NEIL3: variants seen among roughly 807,000 people sequenced by gnomAD.
NEIL3 encodes endonuclease 8-like 3.
NEIL3 carries 48 observed loss-of-function variants against 57.5 expected under a neutral mutation model. The observed-to-expected ratio is 0.83, with a 90% CI of 0.66 to 1.06. NEIL3 has a LOEUF of 1.06. Among genes scored for constraint, NEIL3 ranks in the 50% least tolerant of loss-of-function variants. The pLI, the probability that NEIL3 is intolerant of heterozygous loss-of-function variation, is 0.00. For missense variants in NEIL3, 717 were observed against 739.1 expected (o/e 0.97, Z 0.35); for synonymous variants, 261 against 253.2 (o/e 1.03, Z -0.29).
chr4:177,354,063 G>A lies in NEIL3; in HGVS notation c.1460+335G>A, dbSNP rs59244273. On this transcript the variant is annotated intron_variant, in intron 8 of 9. Transcript: ENST00000264596. ...TTTACAGGCTTGAGCCACCATGCCC[G>A]GCTGGTTGCATTAAGTTTTAAGAAG... 358 of 223,816 alleles carry A rather than the reference G, an allele frequency of 1.6e-3. 1 individual carries two copies. Among genetic ancestry groups the A allele is most frequent in the African/African-American group, 7.4e-3 (318 of 43,032 alleles). 13.9% of individuals were successfully genotyped at this position (223,816 alleles called of 1,614,324 possible). A position where few individuals can be genotyped will look rare whatever the true frequency, so the allele number is the denominator to read the frequency against.
downstream of NEIL3, among the ~76,000 whole-genome samples, chr4:177,367,704 T>C (rs1735709009): frequency 6.6e-6 from 1 of 152,206 alleles, no homozygotes; most frequent in Admixed American, 6.5e-5. Flanking sequence ...TCTGCCCATT[T>C]CCTGGTATTT....
intron 2 of NEIL3, 93 bp downstream of exon 2, chr4:177,322,673 A>C: frequency 6.8e-7 from 1 of 1,470,426 alleles, no homozygotes; most frequent in Non-Finnish European, 9.4e-7. Flanking sequence ...ATTTAATCAT[A>C]TAGGAAGTAC....
intron 6 of NEIL3, among the ~76,000 whole-genome samples, chr4:177,345,777 C>A (rs1735210079): frequency 6.9e-6 from 1 of 145,696 alleles, no homozygotes. Context: ...ACAACTTCCA[C>A]TTCCTAGGTT....
chr4:177,328,369 A>G (rs901825460), intron 2 of NEIL3, among the ~76,000 whole-genome samples: 3 of 152,208 alleles, frequency 2.0e-5, no homozygotes, highest in African/African-American at 4.8e-5. Context: ...AAGAGCCTCA[A>G]ACCAAACCAA....
chr4:177,313,701 T>G (rs34827916), intron 1 of NEIL3, among the ~76,000 whole-genome samples: 1 of 152,198 alleles, frequency 6.6e-6, no homozygotes, highest in Non-Finnish European at 1.5e-5. Context: ...TTCATTTTAT[T>G]TGAAACATGG....
intron 2 of NEIL3, among the ~76,000 whole-genome samples, chr4:177,331,513 ATT>A (rs1734884033): frequency 6.6e-6 from 1 of 152,040 alleles, no homozygotes; most frequent in Admixed American, 6.6e-5. Flanking sequence ...TTAATTTAAC[ATT>A]ACTTTTAAAT....
intron 5 of NEIL3, among the ~76,000 whole-genome samples, chr4:177,340,605 T>C (rs1735072676): frequency 6.6e-6 from 1 of 152,208 alleles, no homozygotes; most frequent in Non-Finnish European, 1.5e-5. Context: ...ACTATGGCTA[T>C]TTTTAAATTG....
intron 1 of NEIL3, among the ~76,000 whole-genome samples, chr4:177,315,634 A>C (rs1734559862): frequency 6.6e-6 from 1 of 152,208 alleles, no homozygotes; most frequent in African/African-American, 2.4e-5. Context: ...TGAATATCTT[A>C]TAAATCTTAG....
At chr4:177,324,917 T>C (rs1734750901) in intron 2 of NEIL3, among the ~76,000 whole-genome samples, 1 of 151,960 alleles carries the variant, frequency 6.6e-6, no homozygotes, top group East Asian at 1.9e-4. Flanking sequence ...AAAATGGACA[T>C]AGCTGTTGCA....
intron 6 of NEIL3, among the ~76,000 whole-genome samples, chr4:177,349,959 C>G (rs771364396): frequency 1.1e-4 from 16 of 152,076 alleles, no homozygotes; most frequent in Admixed American, 3.9e-4. Flanking sequence ...TAGTAGAGGA[C>G]AGAGATTAGG....
intron 1 of NEIL3, among the ~76,000 whole-genome samples, chr4:177,319,136 TGA>T (rs562396305): frequency 9.0e-4 from 137 of 152,370 alleles, no homozygotes; most frequent in African/African-American, 3.2e-3. Context: ...AGACTTCACA[TGA>T]GACATTTGGG....
chr4:177,369,167 T>G, the NEIL3 span, among the ~76,000 whole-genome samples: 1 of 152,120 alleles, frequency 6.6e-6, no homozygotes, highest in Non-Finnish European at 1.5e-5. Flanking sequence ...GTGCTAAAGG[T>G]TGCAGAGAGG....
At chr4:177,310,174 G>A in intron 1 of NEIL3, 65 bp downstream of exon 1, 4 of 1,423,854 alleles carry the variant, frequency 2.8e-6, no homozygotes, top group South Asian at 3.1e-5. Flanking sequence ...ACCCCATCAG[G>A]GTTCCAGGAT....
chr4:177,314,756 T>C (rs1734541400), intron 1 of NEIL3, among the ~76,000 whole-genome samples: 1 of 152,080 alleles, frequency 6.6e-6, no homozygotes, highest in East Asian at 1.9e-4. Context: ...ATGACTTCGA[T>C]TGGTATTTAA....
Position 177,362,562 on chromosome 4 carries a change from GAT to G in NEIL3, c.*93_*94del. On this transcript the variant is annotated 3_prime_UTR_variant, in exon 10 of 10. Transcript: ENST00000264596. The stretch of plus-strand genomic sequence containing the variant: ...CATAGAAAAGTCATAGAATATCTAT[GAT>G]ACATTGAAAAGTTACTGCAATATTT... 3.1e-6 allele frequency: 3 copies of G among 978,238 alleles called. No homozygotes were observed. Among genetic ancestry groups the G allele is most frequent in the Non-Finnish European group, 4.4e-6 (3 of 680,492 alleles). 60.6% of individuals were successfully genotyped at this position (978,238 alleles called of 1,614,324 possible).
downstream of NEIL3, among the ~76,000 whole-genome samples, chr4:177,364,870 G>A (rs528146011): frequency 2.0e-5 from 3 of 151,702 alleles, no homozygotes; most frequent in Admixed American, 6.6e-5. Context: ...GGAGGTTGCA[G>A]TGAGCTGAGA....
chr4:177,368,640 G>T, the NEIL3 span, among the ~76,000 whole-genome samples: 1 of 152,238 alleles, frequency 6.6e-6, no homozygotes, highest in Admixed American at 6.5e-5. Flanking sequence ...GTTAAACTTT[G>T]TAGATGGAGG....
At chr4:177,342,819 C>A (rs1485227871) in intron 6 of NEIL3, among the ~76,000 whole-genome samples, 1 of 152,184 alleles carries the variant, frequency 6.6e-6, no homozygotes, top group Non-Finnish European at 1.5e-5. Context: ...TACTGGCCAA[C>A]CCCAACAGAG....
At chr4:177,358,647 G>T (rs1280622698) in intron 8 of NEIL3, among the ~76,000 whole-genome samples, 1 of 152,056 alleles carries the variant, frequency 6.6e-6, no homozygotes, top group African/African-American at 2.4e-5. Flanking sequence ...GGAAGAAATG[G>T]AGTGGAAGGC....
Sources: gnomAD v4.1 joint callset for allele counts (sites outside exome capture counted in the v4.1 genomes callset) on GRCh38, gnomAD v4.1.1 for gene constraint, MANE v1.5 for transcripts, NCBI Gene and HGNC (gene_info 2026-07-23, HGNC 2026-07-21) for gene names.